The following SDK2 variants were observed in gnomAD, a reference collection of about 807,000 sequenced individuals.
The protein encoded by SDK2 is protein sidekick-2.
SDK2 carries 105 observed loss-of-function variants against 253.9 expected under a neutral mutation model. The ratio of observed to expected loss-of-function variants is 0.41; its 90% CI spans 0.35 to 0.49. The LOEUF (loss-of-function observed/expected upper bound fraction) is 0.49. Ranked by LOEUF, SDK2 falls within the 20% of genes least tolerant of loss-of-function variation. SDK2 has a pLI of 0.06. For synonymous variants in SDK2, 1,249 were observed against 1,234.9 expected, an observed-to-expected ratio of 1.01 and a Z score of -0.24; for missense variants, 2,608 against 3,003.0, an observed-to-expected ratio of 0.87 and a Z score of 3.07.
At chr17:73,480,854 T>G (rs1409128641) in intron 2 of SDK2, among the ~76,000 whole-genome samples, 6 of 152,084 alleles carry the variant, frequency 3.9e-5, no homozygotes, top group Non-Finnish European at 8.8e-5. Context: ...GAGGGTGATG[T>G]CAGCTGCACC....
chr17:73,483,498 TG>T lies in SDK2; in HGVS notation c.225-11281del, dbSNP rs1325447567. Among the ~76,000 whole-genome samples, 4 of 108,406 alleles carry T rather than the reference TG, an allele frequency of 3.7e-5. No individual in the cohort carries two copies. The East Asian group carries it at 1.1e-3, about 29-fold the overall frequency. 71.1% of individuals were successfully genotyped at this position (108,406 alleles called of 152,430 possible). On this transcript the variant is annotated intron_variant, in intron 2 of 44. Transcript: ENST00000392650. ...TAATCTTTGTGTGTGTGTGTGTGTG[TG>T]TGTGTGTGTGTATGTGTGTGTGTAT...
At chr17:73,595,821 C>A (rs1355655993) in intron 1 of SDK2, among the ~76,000 whole-genome samples, 6 of 152,202 alleles carry the variant, frequency 3.9e-5, no homozygotes, top group African/African-American at 1.4e-4. Context: ...GGCTTGGAGG[C>A]AGCCAGGGGG....
intron 21 of SDK2, among the ~76,000 whole-genome samples, chr17:73,399,708 C>T (rs1458149119): frequency 5.9e-5 from 9 of 152,178 alleles, no homozygotes; most frequent in South Asian, 4.1e-4. Context: ...ACACCTCCTA[C>T]GCCTAATTAC....
In SDK2 at chr17:73,435,692, T is replaced by G; in HGVS notation, c.1001-48A>C. 1 of 1,481,242 alleles carries G rather than the reference T, an allele frequency of 6.8e-7. No homozygotes were observed. The highest frequency in any genetic ancestry group is 1.4e-5 in the African/African-American group (1 of 72,070). 91.8% of individuals were successfully genotyped at this position (1,481,242 alleles called of 1,614,324 possible). A position where few individuals can be genotyped will look rare whatever the true frequency, so the allele number is the denominator to read the frequency against. On this transcript the variant is annotated intron_variant, in intron 8 of 44. Transcript: ENST00000392650. The surrounding 1 kb of genome is among the most constrained non-coding windows in gnomAD (Gnocchi z 5.7). ...CCGTCAACCTGCCTCCTGCCTCCTCTCCGCCTAGGAGGGGTGCTTGGGAGG... is the reference window on the plus strand; with the variant it reads ...CCGTCAACCTGCCTCCTGCCTCCTCGCCGCCTAGGAGGGGTGCTTGGGAGG...
At chr17:73,476,132 T>G (rs1474316211) in intron 2 of SDK2, among the ~76,000 whole-genome samples, 1 of 152,156 alleles carries the variant, frequency 6.6e-6, no homozygotes, top group Non-Finnish European at 1.5e-5. Context: ...TAATTTAAGT[T>G]TGTTGCAAAA....
chr17:73,592,796 G>A (rs1480493205), intron 1 of SDK2, among the ~76,000 whole-genome samples: 2 of 152,176 alleles, frequency 1.3e-5, no homozygotes, highest in African/African-American at 2.4e-5. Flanking sequence ...AGAGCCTATT[G>A]TAACCACCGT....
chr17:73,551,252 G>T (rs1195193630), intron 1 of SDK2, among the ~76,000 whole-genome samples: 1 of 152,164 alleles, frequency 6.6e-6, no homozygotes, highest in Non-Finnish European at 1.5e-5. Context: ...GTGCCTTCGT[G>T]ATAAATGCCC....
Position 73,336,815 on chromosome 17 carries a change from A to G in SDK2, c.*1772T>C, listed in dbSNP as rs2062382587. The G allele has an allele frequency of 2.0e-5, 3 of 152,820 alleles. No individual in the cohort carries two copies. The South Asian group carries it at 6.2e-4, about 32-fold the overall frequency. 9.5% of individuals were successfully genotyped at this position (152,820 alleles called of 1,614,324 possible). A position where few individuals can be genotyped will look rare whatever the true frequency, so the allele number is the denominator to read the frequency against. On this transcript the variant is annotated 3_prime_UTR_variant, in exon 45 of 45. Transcript: ENST00000392650. Reference sequence around the variant, plus strand: ...GGAGCCCTGCTCCACGAAGGGGCTCACGCTGAATCAGACAGGCCCCTGTGG... The same window carrying G: ...GGAGCCCTGCTCCACGAAGGGGCTCGCGCTGAATCAGACAGGCCCCTGTGG...
chr17:73,472,290 G>A, intron 2 of SDK2, 72 bp from the exon 3 acceptor site: 1 of 1,054,958 alleles, frequency 9.5e-7, no homozygotes, highest in Non-Finnish European at 1.4e-6. Context: ...ATTGGGCTCA[G>A]AGGTCAGAGG....
intron 1 of SDK2, among the ~76,000 whole-genome samples, chr17:73,538,096 C>T (rs550532012): frequency 3.8e-4 from 58 of 152,248 alleles, no homozygotes; most frequent in African/African-American, 1.1e-3. Context: ...CTCCCGGGAA[C>T]GGCGGTGTTC....
chr17:73,607,901 C>T (rs1054739304), intron 1 of SDK2, among the ~76,000 whole-genome samples: 1 of 151,230 alleles, frequency 6.6e-6, no homozygotes, highest in Non-Finnish European at 1.5e-5. Flanking sequence ...CTTCAGATGA[C>T]AGTCCAGTTA....
chr17:73,598,737 GT>G (rs1441918510), intron 1 of SDK2, among the ~76,000 whole-genome samples: 2 of 152,122 alleles, frequency 1.3e-5, no homozygotes, highest in Non-Finnish European at 2.9e-5. Flanking sequence ...ACCCCTAGCT[GT>G]ATACCTATGT....
At chr17:73,460,641 T>C (rs1232529307) in intron 3 of SDK2, among the ~76,000 whole-genome samples, 2 of 152,206 alleles carry the variant, frequency 1.3e-5, no homozygotes, top group African/African-American at 4.8e-5. Context: ...ACCATTCAAA[T>C]AGAATTCAAA....
At chr17:73,471,811 C>T (rs909875108) in intron 3 of SDK2, among the ~76,000 whole-genome samples, 10 of 152,120 alleles carry the variant, frequency 6.6e-5, no homozygotes, top group African/African-American at 2.2e-4. Context: ...CAAGGCCACC[C>T]TTGTCTAAAA....
intron 1 of SDK2, among the ~76,000 whole-genome samples, chr17:73,527,782 G>A (rs1347544203): frequency 6.6e-6 from 1 of 152,204 alleles, no homozygotes; most frequent in Admixed American, 6.5e-5. Context: ...CTCCCAGGGA[G>A]AAATACCTCC....
intron 44 of SDK2, among the ~76,000 whole-genome samples, chr17:73,340,635 C>A (rs1365147975): frequency 6.6e-6 from 1 of 151,508 alleles, no homozygotes; most frequent in East Asian, 1.9e-4. Context: ...CTGTGCCTGT[C>A]CACGTGTGAT....
chr17:73,486,118 C>T (rs540348695), intron 2 of SDK2, among the ~76,000 whole-genome samples: 14 of 152,100 alleles, frequency 9.2e-5, no homozygotes, highest in East Asian at 1.9e-4. Flanking sequence ...CTGGGGTAGG[C>T]GGCAGTTTCA....
chr17:73,408,950 G>A (rs2063103796), intron 18 of SDK2, among the ~76,000 whole-genome samples: 1 of 152,220 alleles, frequency 6.6e-6, no homozygotes. Context: ...TGCAGTTACT[G>A]TGGTTTTATT....
intron 1 of SDK2, among the ~76,000 whole-genome samples, chr17:73,552,784 C>G (rs528738499): frequency 6.6e-6 from 1 of 152,204 alleles, no homozygotes; most frequent in Non-Finnish European, 1.5e-5. Context: ...GTTCCCTAAG[C>G]GACTTCATCT....
Sources: allele counts gnomAD v4.1 joint callset (sites outside exome capture counted in the v4.1 genomes callset), GRCh38; gene constraint gnomAD v4.1.1; non-coding constraint Gnocchi (gnomAD v3.1); transcripts MANE v1.5; gene names NCBI Gene and HGNC (gene_info 2026-07-23, HGNC 2026-07-21).